The following NCOA2 variants were observed in gnomAD, a reference collection of about 807,000 sequenced individuals.
NCOA2 encodes nuclear receptor coactivator 2, also known as class E basic helix-loop-helix protein 75.
A neutral mutation model predicts 145.1 loss-of-function variants in NCOA2; 21 were observed. That is an observed-to-expected ratio of 0.14 (90% confidence interval 0.10 to 0.21). The LOEUF is 0.21. Among genes scored for constraint, NCOA2 ranks in the 10% least tolerant of loss-of-function variants. NCOA2 has a pLI of 1.00. For missense variants in NCOA2, 1,472 were observed against 1,837.6 expected (o/e 0.80, Z 3.64); for synonymous variants, 619 against 637.5 (o/e 0.97, Z 0.44).
At chr8:70,248,797 C>T (rs889484279) in intron 2 of NCOA2, among the ~76,000 whole-genome samples, 1 of 150,530 alleles carries the variant, frequency 6.6e-6, no homozygotes, top group African/African-American at 2.4e-5. Flanking sequence ...AAATTTTTTT[C>T]TCCCGAGTAT....
chr8:70,273,654 C>A (rs1825242465), intron 2 of NCOA2: 2 of 707,018 alleles, frequency 2.8e-6, no homozygotes, highest in East Asian at 6.0e-5. Context: ...AAGCAGCTGA[C>A]AGAAATGCTA....
intron 1 of NCOA2, among the ~76,000 whole-genome samples, chr8:70,390,500 C>T (rs1440897484): frequency 2.6e-5 from 4 of 152,076 alleles, no homozygotes; most frequent in Non-Finnish European, 4.4e-5. Context: ...GGCACAGTGC[C>T]TCACACCTAT....
At chr8:70,325,797 C>T (rs1182112712) in intron 1 of NCOA2, among the ~76,000 whole-genome samples, 1 of 152,112 alleles carries the variant, frequency 6.6e-6, no homozygotes, top group African/African-American at 2.4e-5. Context: ...CTAGCTATCC[C>T]CCAGAATCTT....
intron 14 of NCOA2, among the ~76,000 whole-genome samples, chr8:70,140,226 A>G (rs1810231923): frequency 6.6e-6 from 1 of 152,190 alleles, no homozygotes; most frequent in Non-Finnish European, 1.5e-5. Flanking sequence ...TCCCCCAAAA[A>G]GAAACCCATT....
intron 9 of NCOA2, among the ~76,000 whole-genome samples, chr8:70,161,978 C>T (rs114189384): frequency 0.012 from 1,798 of 152,032 alleles, 49 homozygotes; most frequent in African/African-American, 0.041. Flanking sequence ...AGCAGCATGA[C>T]AGTGACCAAA....
chr8:70,148,858 G>A (rs1811414273), intron 11 of NCOA2, among the ~76,000 whole-genome samples: 1 of 151,980 alleles, frequency 6.6e-6, no homozygotes, highest in South Asian at 2.1e-4. Flanking sequence ...CTTTGGTCCA[G>A]GTCTAGGTTT....
intron 1 of NCOA2, among the ~76,000 whole-genome samples, chr8:70,352,545 TAA>T (rs1355222227): frequency 1.3e-5 from 2 of 152,218 alleles, no homozygotes; most frequent in East Asian, 3.8e-4. Flanking sequence ...TTTTCCTATA[TAA>T]GTTTAAATTA....
upstream of NCOA2, among the ~76,000 whole-genome samples, chr8:70,404,698 C>G (rs1814689542): frequency 6.6e-6 from 1 of 152,188 alleles, no homozygotes; most frequent in Non-Finnish European, 1.5e-5. Flanking sequence ...TTCGGCACAT[C>G]ATGAAATCAT....
At chr8:70,319,539 AAAATAAATAAAT>A (rs71558597) in intron 1 of NCOA2, among the ~76,000 whole-genome samples, 6 of 149,192 alleles carry the variant, frequency 4.0e-5, no homozygotes, top group African/African-American at 1.2e-4. Context: ...CCCTGTCTCA[AAAATAAATAAAT>A]AAATAAATAA....
At chr8:70,161,268 A>T (rs1410274885) in intron 9 of NCOA2, among the ~76,000 whole-genome samples, 2 of 152,218 alleles carry the variant, frequency 1.3e-5, no homozygotes, top group African/African-American at 4.8e-5. Flanking sequence ...TCAGGTTGTC[A>T]AAGAATTAAA....
At chr8:70,403,260 C>T (rs1308311282) in intron 1 of NCOA2, among the ~76,000 whole-genome samples, 6 of 151,408 alleles carry the variant, frequency 4.0e-5, no homozygotes, top group African/African-American at 1.5e-4. Flanking sequence ...GACCCCGCAC[C>T]GGGCTGGGCA....
chr8:70,114,510 T>C (rs772089193), intron 22 of NCOA2, among the ~76,000 whole-genome samples: 16 of 152,244 alleles, frequency 1.1e-4, no homozygotes, highest in Non-Finnish European at 1.9e-4. Context: ...TTAGCAAATA[T>C]TAATTCAGCA....
chr8:70,186,454 C>A (rs1173338494), intron 4 of NCOA2, among the ~76,000 whole-genome samples: 1 of 152,130 alleles, frequency 6.6e-6, no homozygotes, highest in Non-Finnish European at 1.5e-5. Context: ...CAGATCAGGG[C>A]TGACTGCAGA....
At chr8:70,447,767 C>A in the NCOA2 span, among the ~76,000 whole-genome samples, 1 of 149,136 alleles carries the variant, frequency 6.7e-6, no homozygotes, top group East Asian at 2.0e-4. Flanking sequence ...TCACTGCAGC[C>A]TCGACCTCCC....
intron 1 of NCOA2, among the ~76,000 whole-genome samples, chr8:70,370,083 G>A (rs1391437030): frequency 1.3e-5 from 2 of 151,790 alleles, no homozygotes; most frequent in African/African-American, 2.4e-5. Flanking sequence ...GCAAGGTCTC[G>A]CCATCTTGCC....
intron 1 of NCOA2, among the ~76,000 whole-genome samples, chr8:70,307,804 G>A (rs1007365666): frequency 7.9e-5 from 12 of 152,094 alleles, no homozygotes; most frequent in Non-Finnish European, 1.5e-4. Context: ...AGCCAAATAC[G>A]CTTGCATGGT....
intron 2 of NCOA2, among the ~76,000 whole-genome samples, chr8:70,271,090 C>T (rs1204379673): frequency 1.3e-5 from 2 of 152,134 alleles, no homozygotes; most frequent in African/African-American, 4.8e-5. Flanking sequence ...GTTGAAAATA[C>T]ATCTTGGCTC....
chr8:70,236,407 T>G (rs2134336619), intron 2 of NCOA2, among the ~76,000 whole-genome samples: 1 of 152,282 alleles, frequency 6.6e-6, no homozygotes, highest in East Asian at 1.9e-4. Context: ...CTTTTCTGTT[T>G]GCCCGGGAAC....
chr8:70,435,448 A>AAAAAAAAG, the NCOA2 span, among the ~76,000 whole-genome samples: 16 of 147,572 alleles, frequency 1.1e-4, no homozygotes, highest in African/African-American at 4.0e-4. Context: ...AAAAAAAAAA[A>AAAAAAAAG]AAAAAGAATA....
Sources: allele counts gnomAD v4.1 joint callset (sites outside exome capture counted in the v4.1 genomes callset), GRCh38; gene constraint gnomAD v4.1.1; transcripts MANE v1.5; gene names NCBI Gene and HGNC (gene_info 2026-07-23, HGNC 2026-07-21).